Variants in NXNL1 observed in about 807,000 individuals in gnomAD.
NXNL1 encodes the protein nucleoredoxin like 1.
In NXNL1, 6 loss-of-function variants were observed where a neutral mutation model predicts 7.2. The ratio of observed to expected loss-of-function variants is 0.83; its 90% confidence interval spans 0.46 to 1.64. NXNL1 has a LOEUF of 1.64. Ranked by LOEUF, NXNL1 falls within the 40% of genes most tolerant of loss-of-function variation. NXNL1 has a pLI of 0.01. For synonymous variants in NXNL1, 133 were observed against 127.2 expected (o/e 1.05, Z -0.31); for missense variants, 308 against 285.1 (o/e 1.08, Z -0.58).
chr19:17,457,126 A>G (rs1426260918), intron 1 of NXNL1, among the ~76,000 whole-genome samples: 1 of 149,492 alleles, frequency 6.7e-6, no homozygotes, highest in Non-Finnish European at 1.5e-5. Context: ...GGCTGGGTAC[A>G]GTGGCTCACC....
In NXNL1 at chr19:17,455,742, G is replaced by T. The variant is rs758651108; in HGVS notation, c.544C>A (p.Arg182Ser). 1.6e-5 allele frequency: 24 copies of T among 1,538,556 alleles called. No homozygotes were observed. Among genetic ancestry groups the T allele is most frequent in the Middle Eastern group, 3.6e-4 (2 of 5,506 alleles). Residue 182 changes from arginine to serine, a missense_variant, in exon 2 of 2, where the codon CGC becomes AGC. Physicochemically the swap from Arg to Ser is moderately radical, Grantham distance 110. Transcript: ENST00000301944. ...TTTTCCACGCGGTACTTGTGGCGGC[G>T]CAGGCACTCGGTGAGGCTCCGTGGC... Reference protein sequence around the residue: ...QEPRSLTECLRRHKYRVEKAA... With the variant: ...QEPRSLTECLSRHKYRVEKAA...
At chr19:17,456,670 C>T (rs1174661326) in intron 1 of NXNL1, among the ~76,000 whole-genome samples, 1 of 151,934 alleles carries the variant, frequency 6.6e-6, no homozygotes, top group Non-Finnish European at 1.5e-5. Flanking sequence ...TCACCGGAGG[C>T]CAGGAGTTCG....
At chr19:17,459,417 A>T (rs1488970738) in intron 1 of NXNL1, among the ~76,000 whole-genome samples, 1 of 85,708 alleles carries the variant, frequency 1.2e-5, no homozygotes, top group African/African-American at 4.0e-5. Context: ...TACATTTTTT[A>T]TTTTTTATTT....
intron 1 of NXNL1, among the ~76,000 whole-genome samples, chr19:17,460,220 A>G (rs12978123): frequency 0.28 from 41,840 of 151,948 alleles, 6,730 homozygotes; most frequent in Non-Finnish European, 0.36. Flanking sequence ...TATGTTGACC[A>G]GGCTTGTCTC....
intron 1 of NXNL1, among the ~76,000 whole-genome samples, chr19:17,459,170 G>A (rs1363771730): frequency 2.0e-5 from 3 of 152,040 alleles, no homozygotes; most frequent in Non-Finnish European, 4.4e-5. Context: ...AGGTGGCTCT[G>A]CACCACAGAC....
At chr19:17,457,992 C>A (rs530692656) in intron 1 of NXNL1, among the ~76,000 whole-genome samples, 1 of 152,232 alleles carries the variant, frequency 6.6e-6, no homozygotes, top group African/African-American at 2.4e-5. Context: ...AAGTCTGCAA[C>A]TCACTTTCAA....
chr19:17,455,702 C>G lies in NXNL1; in HGVS notation c.584G>C (p.Gly195Ala). The G allele has an allele frequency of 6.6e-7, 1 of 1,525,748 alleles. No homozygotes were observed. The highest frequency in any genetic ancestry group is 8.8e-7 in the Non-Finnish European group (1 of 1,142,234). 94.5% of individuals were successfully genotyped at this position (1,525,748 alleles called of 1,614,324 possible). ...CCCACCCCCTCCCCCGGGGTCGCGC[C>G]CGCCTCGCGCCGCCTTTTCCACGCG... Reference protein sequence around the residue: ...KYRVEKAARGGRDPGGGGGEE... With the variant: ...KYRVEKAARGARDPGGGGGEE... Residue 195 changes from glycine (G) to alanine (A), a missense_variant, in exon 2 of 2, where the codon GGG (glycine) becomes GCG (alanine). Physicochemically the swap from Gly to Ala is moderately conservative, Grantham distance 60. Coordinates refer to ENST00000301944, the MANE Select transcript of NXNL1 (RefSeq NM_138454.2).
intron 1 of NXNL1, among the ~76,000 whole-genome samples, chr19:17,456,247 A>C (rs973528707): frequency 6.6e-6 from 1 of 151,586 alleles, no homozygotes; most frequent in Admixed American, 6.6e-5. Flanking sequence ...TAGTATGGAG[A>C]CCTCACATCG....
At chr19:17,459,424 A>AT (rs11382741) in intron 1 of NXNL1, among the ~76,000 whole-genome samples, 96,455 of 151,068 alleles carry the variant, frequency 0.64, 31,446 homozygotes, top group Non-Finnish European at 0.7. Context: ...TTTATTTTTT[A>AT]TTTTTATTTT....
chr19:17,458,522 A>C lies in NXNL1; in HGVS notation c.326+2022T>G, dbSNP rs141562339. Among the ~76,000 whole-genome samples the C allele has an allele frequency of 2.8e-3, 423 of 150,802 alleles. 4 individuals are homozygous for C. Among genetic ancestry groups the C allele is most frequent in the African/African-American group, 9.9e-3 (407 of 41,144 alleles). On this transcript the variant is annotated intron_variant, in intron 1 of 1. Coordinates refer to ENST00000301944, the MANE Select transcript of NXNL1 (RefSeq NM_138454.2). ...TGCACCCAGCCTGAACGTTTTTTTCATAATAAAAAGTCAAGCTATAATACT... is the reference window on the plus strand; with the variant it reads ...TGCACCCAGCCTGAACGTTTTTTTCCTAATAAAAAGTCAAGCTATAATACT...
At chr19:17,460,141 G>C (rs768473547) in intron 1 of NXNL1, among the ~76,000 whole-genome samples, 5 of 152,044 alleles carry the variant, frequency 3.3e-5, no homozygotes, top group Admixed American at 6.6e-5. Flanking sequence ...CTCCCAAGCA[G>C]CTGGGATTAC....
Position 17,460,661 on chromosome 19 carries a change from G to A in NXNL1, c.209C>T (p.Ala70Val), listed in dbSNP as rs553335211. The change falls in exon 1 of 2, where the codon GCG becomes GTG. Residue 70 changes from alanine to valine, a missense_variant. Physicochemically the swap from Ala to Val is moderately conservative, Grantham distance 64 (BLOSUM62 0). Coordinates refer to ENST00000301944, the MANE Select transcript of NXNL1 (RefSeq NM_138454.2). ...CACGTACACCAGGGCCAGCTGAGCC[G>A]CCCGCAGTACATAGAACTCATCTGT... The part of the protein sequence containing the change: ...RLTDEFYVLR[A>V]AQLALVYVSQ... The A allele has an allele frequency of 2.9e-5, 47 of 1,613,274 alleles. No homozygotes were observed. Among genetic ancestry groups the A allele is most frequent in the African/African-American group, 6.7e-5 (5 of 74,906 alleles).
In NXNL1 at chr19:17,455,944, C is replaced by A. The variant is rs1488076928; in HGVS notation, c.342G>T (p.Gln114His). The A allele has an allele frequency of 1.9e-6, 3 of 1,597,362 alleles. No homozygotes were observed. Among genetic ancestry groups the A allele is most frequent in the Admixed American group, 1.7e-5 (1 of 59,890 alleles). The change falls in exon 2 of 2, where the codon CAG (glutamine) becomes CAT (histidine). Residue 114 changes from glutamine (Q) to histidine (H), a missense_variant. Coordinates refer to ENST00000301944, the MANE Select transcript of NXNL1 (RefSeq NM_138454.2). ...EDDLRRDLGRQFSVERLPAVV... is the reference protein window; with the variant it reads ...EDDLRRDLGRHFSVERLPAVV... The stretch of plus-strand genomic sequence containing the variant: ...CCGCCGGCAGGCGCTCCACTGAGAA[C>A]TGGCGCCCGAGGTCCCTGCGGAGCG...
chr19:17,455,904 G>A lies in NXNL1; in HGVS notation c.382C>T (p.Pro128Ser). The A allele has an allele frequency of 6.3e-7, 1 of 1,595,030 alleles. No individual in the cohort carries two copies. Among genetic ancestry groups the A allele is most frequent in the South Asian group, 1.1e-5 (1 of 90,576 alleles). The change falls in exon 2 of 2, where the codon CCG (proline) becomes TCG (serine). Residue 128 changes from proline (P) to serine (S), a missense_variant. Coordinates refer to ENST00000301944, the MANE Select transcript of NXNL1 (RefSeq NM_138454.2). ...ERLPAVVVLK[P>S]DGDVLTRDGA... ...TCGCGAGTGAGCACGTCCCCGTCCGGCTTGAGCACCACGACCGCCGGCAGG... is the reference window on the plus strand; with the variant it reads ...TCGCGAGTGAGCACGTCCCCGTCCGACTTGAGCACCACGACCGCCGGCAGG...
In NXNL1 at chr19:17,455,601, T is replaced by C; in HGVS notation, c.*46A>G. 8.5e-7 allele frequency: 1 copy of C among 1,170,008 alleles called. No homozygotes were observed. Among genetic ancestry groups the C allele is most frequent in the Non-Finnish European group, 1.2e-6 (1 of 832,824 alleles). 72.5% of individuals were successfully genotyped at this position (1,170,008 alleles called of 1,614,324 possible). A position where few individuals can be genotyped will look rare whatever the true frequency, so the allele number is the denominator to read the frequency against. The stretch of plus-strand genomic sequence containing the variant: ...CAGGCGTGCGGGGGTGGGGTGGGGG[T>C]GGAGGTTCATCAACAAACCCCACTC... On this transcript the variant is annotated 3_prime_UTR_variant, in exon 2 of 2. Coordinates refer to ENST00000301944, the MANE Select transcript of NXNL1 (RefSeq NM_138454.2).
intron 1 of NXNL1, among the ~76,000 whole-genome samples, chr19:17,456,738 G>A (rs533246559): frequency 2.6e-5 from 4 of 152,098 alleles, no homozygotes; most frequent in East Asian, 3.9e-4. Context: ...GCATTCTTCC[G>A]TGGCCCTTTT....
chr19:17,458,521 C>T (rs2075001437), intron 1 of NXNL1, among the ~76,000 whole-genome samples: 1 of 150,726 alleles, frequency 6.6e-6, no homozygotes, highest in African/African-American at 2.4e-5. Flanking sequence ...ACGTTTTTTT[C>T]ATAATAAAAA....
intron 1 of NXNL1, among the ~76,000 whole-genome samples, chr19:17,457,276 A>G (rs1246671597): frequency 6.6e-6 from 1 of 152,128 alleles, no homozygotes; most frequent in African/African-American, 2.4e-5. Flanking sequence ...TGAATTTCAG[A>G]TAAACAATGA....
intron 1 of NXNL1, among the ~76,000 whole-genome samples, chr19:17,459,320 C>G (rs2075004565): frequency 6.6e-6 from 1 of 152,220 alleles, no homozygotes; most frequent in African/African-American, 2.4e-5. Context: ...TCTGCTGTGC[C>G]CTCTGCCTGG....
Sources: gnomAD v4.1 joint callset for allele counts (sites outside exome capture counted in the v4.1 genomes callset) on GRCh38, gnomAD v4.1.1 for gene constraint, MANE v1.5 for transcripts, NCBI Gene and HGNC (gene_info 2026-07-23, HGNC 2026-07-21) for gene names.